EPHA3: variants seen among roughly 807,000 people sequenced by gnomAD.
The protein encoded by EPHA3 is EPH receptor A3, also known as ephrin type-A receptor 3.
In EPHA3, 42 loss-of-function variants were observed where a neutral mutation model predicts 107.1. The observed-to-expected ratio is 0.39, with a 90% CI of 0.31 to 0.51. The LOEUF is 0.51. EPHA3 is among the 20% of genes least tolerant of loss of function. The probability of loss-of-function intolerance (pLI) is 0.78; values close to 1 mark genes in which losing one functional copy is unlikely to be tolerated. For missense variants in EPHA3, 1,183 were observed against 1,211.2 expected (o/e 0.98, Z 0.35); for synonymous variants, 461 against 424.8 (o/e 1.09, Z -1.05).
Position 89,479,731 on chromosome 3 carries a change from T to A in EPHA3, c.*229T>A. On this transcript the variant is annotated 3_prime_UTR_variant, in exon 17 of 17. Coordinates refer to ENST00000336596, the MANE Select transcript of EPHA3 (RefSeq NM_005233.6). Reference sequence around the variant, plus strand: ...TTTTTGTAATTGCTTTTTTAAATATTAGTTAATGGATTAAATTTAATTCTT... The same window carrying A: ...TTTTTGTAATTGCTTTTTTAAATATAAGTTAATGGATTAAATTTAATTCTT... 2.2e-6 allele frequency: 1 copy of A among 457,336 alleles called. No individual in the cohort carries two copies. The highest frequency in any genetic ancestry group is 3.9e-6 in the Non-Finnish European group (1 of 255,966). The allele number at this position is 457,336 out of a possible 1,614,324, so 28.3% of individuals were successfully genotyped here.
intron 2 of EPHA3, among the ~76,000 whole-genome samples, chr3:89,136,908 A>G (rs1396257028): frequency 1.3e-5 from 2 of 151,990 alleles, no homozygotes; most frequent in South Asian, 2.1e-4. Flanking sequence ...TGCTTCTGCT[A>G]GTTTCTCATA....
intron 2 of EPHA3, among the ~76,000 whole-genome samples, chr3:89,204,212 T>C (rs1706044869): frequency 6.6e-6 from 1 of 152,194 alleles, no homozygotes; most frequent in Admixed American, 6.5e-5. Flanking sequence ...AAACTGTGGA[T>C]ATTGGCTTTT....
At chr3:89,215,361 G>A (rs569667530) in intron 3 of EPHA3, among the ~76,000 whole-genome samples, 9 of 151,918 alleles carry the variant, frequency 5.9e-5, no homozygotes, top group South Asian at 4.1e-4. Context: ...GTGAGAGAAA[G>A]CAAGGGAATA....
At chr3:89,399,518 G>A (rs2107508808) in intron 7 of EPHA3, 38 bp downstream of exon 7, 9 of 1,602,564 alleles carry the variant, frequency 5.6e-6, no homozygotes, top group Non-Finnish European at 7.7e-6. Flanking sequence ...GGAGGGGGCA[G>A]GGATCTTGCA....
chr3:89,433,355 A>C (rs921919499), intron 13 of EPHA3, among the ~76,000 whole-genome samples: 18 of 152,128 alleles, frequency 1.2e-4, no homozygotes, highest in African/African-American at 4.1e-4. Context: ...TCCAATAATC[A>C]AAATTGTCAC....
chr3:89,207,890 C>G (rs1422893082), intron 2 of EPHA3, among the ~76,000 whole-genome samples: 1 of 152,056 alleles, frequency 6.6e-6, no homozygotes, highest in East Asian at 1.9e-4. Context: ...TATGAAGAGA[C>G]CTGCCTAAAA....
At chr3:89,121,532 G>C (rs191819565) in intron 1 of EPHA3, among the ~76,000 whole-genome samples, 3,524 of 152,262 alleles carry the variant, frequency 0.023, 132 homozygotes, top group African/African-American at 0.079. Flanking sequence ...GCCAAGGCGT[G>C]CGGATCATGA....
intron 3 of EPHA3, among the ~76,000 whole-genome samples, chr3:89,268,183 C>T (rs1484866883): frequency 2.6e-5 from 4 of 152,118 alleles, no homozygotes; most frequent in Admixed American, 1.3e-4. Flanking sequence ...AAACAATTCA[C>T]TTGCCCCAGC....
chr3:89,336,475 A>T (rs1331969033), intron 3 of EPHA3, among the ~76,000 whole-genome samples: 1 of 152,176 alleles, frequency 6.6e-6, no homozygotes, highest in Non-Finnish European at 1.5e-5. Flanking sequence ...CTTATTGATG[A>T]TATAAATTTA....
chr3:89,391,095 C>T (rs2107498311), intron 5 of EPHA3, among the ~76,000 whole-genome samples: 1 of 152,072 alleles, frequency 6.6e-6, no homozygotes, highest in African/African-American at 2.4e-5. Context: ...CTGAAAAGCA[C>T]TTTTATATCA....
At chr3:89,182,665 G>T (rs557798225) in intron 2 of EPHA3, among the ~76,000 whole-genome samples, 1 of 151,788 alleles carries the variant, frequency 6.6e-6, no homozygotes, top group Non-Finnish European at 1.5e-5. Flanking sequence ...TGTGTGGTGC[G>T]TGCATAGGCA....
intron 13 of EPHA3, among the ~76,000 whole-genome samples, chr3:89,432,009 T>G (rs1295476936): frequency 1.3e-5 from 2 of 152,138 alleles, no homozygotes; most frequent in Non-Finnish European, 2.9e-5. Flanking sequence ...AATCTTTAAA[T>G]TTTTACATGT....
At chr3:89,386,635 T>G (rs999585699) in intron 5 of EPHA3, among the ~76,000 whole-genome samples, 8 of 152,168 alleles carry the variant, frequency 5.3e-5, no homozygotes, top group Non-Finnish European at 1.2e-4. Flanking sequence ...GGGCACTGCC[T>G]AGTGAAGCTG....
At chr3:89,206,760 T>C (rs1380886993) in intron 2 of EPHA3, among the ~76,000 whole-genome samples, 1 of 152,206 alleles carries the variant, frequency 6.6e-6, no homozygotes, top group Non-Finnish European at 1.5e-5. Flanking sequence ...GTTGCTCTTA[T>C]CTTCTTAAAA....
At chr3:89,275,935 A>G (rs971328829) in intron 3 of EPHA3, among the ~76,000 whole-genome samples, 2 of 152,100 alleles carry the variant, frequency 1.3e-5, no homozygotes, top group Non-Finnish European at 2.9e-5. Context: ...CATATTTTTC[A>G]TAACCCAGGA....
intron 5 of EPHA3, among the ~76,000 whole-genome samples, chr3:89,361,122 A>G (rs1219179118): frequency 3.3e-5 from 5 of 151,036 alleles, no homozygotes. Flanking sequence ...TAGAGTGCAC[A>G]TATGGTTTTT....
intron 3 of EPHA3, among the ~76,000 whole-genome samples, chr3:89,313,934 A>G (rs1706832810): frequency 6.6e-6 from 1 of 152,100 alleles, no homozygotes; most frequent in Admixed American, 6.6e-5. Flanking sequence ...TCTTTTAAGA[A>G]TTTAAAATTT....
intron 1 of EPHA3, among the ~76,000 whole-genome samples, chr3:89,114,471 A>T (rs550670133): frequency 2.0e-5 from 3 of 152,292 alleles, no homozygotes; most frequent in African/African-American, 7.2e-5. Context: ...AGATGAGATC[A>T]TAAAAAAACA....
chr3:89,377,580 C>T (rs185683859), intron 5 of EPHA3, among the ~76,000 whole-genome samples: 17 of 152,232 alleles, frequency 1.1e-4, no homozygotes, highest in Non-Finnish European at 2.1e-4. Context: ...GAAACCCACT[C>T]GTATTTGGAA....
Sources: allele counts gnomAD v4.1 joint callset (sites outside exome capture counted in the v4.1 genomes callset), GRCh38; gene constraint gnomAD v4.1.1; transcripts MANE v1.5; gene names NCBI Gene and HGNC (gene_info 2026-07-23, HGNC 2026-07-21).